Variants in LAMB3 observed in about 807,000 individuals in gnomAD.
The protein encoded by LAMB3 is laminin subunit beta 3, also known as laminin subunit beta-3.
A neutral mutation model predicts 140.3 loss-of-function variants in LAMB3; 104 were observed. That is an observed-to-expected ratio of 0.74 (90% confidence interval 0.63 to 0.87). The LOEUF (loss-of-function observed/expected upper bound fraction) is 0.87, where lower values mean the gene tolerates loss of function less well. Among genes scored for constraint, LAMB3 ranks in the 40% least tolerant of loss-of-function variants. The pLI, the probability that LAMB3 is intolerant of heterozygous loss-of-function variation, is 0.00. For missense variants in LAMB3, 1,531 were observed against 1,575.2 expected (o/e 0.97, Z 0.47); for synonymous variants, 592 against 602.9 (o/e 0.98, Z 0.26).
Position 209,634,613 on chromosome 1 carries a change from A to C in LAMB3, c.398T>G (p.Ile133Ser). The C allele has an allele frequency of 6.2e-7, 1 of 1,613,954 alleles. No individual in the cohort carries two copies. Among genetic ancestry groups the C allele is most frequent in the South Asian group, 1.1e-5 (1 of 91,058 alleles). Residue 133 changes from isoleucine (I) to serine (S), a missense_variant, in exon 6 of 23, where the codon ATT (isoleucine) becomes AGT (serine). Physicochemically the swap from Ile to Ser is moderately radical, Grantham distance 142 (BLOSUM62 -2). Coordinates refer to ENST00000356082, the MANE Select transcript of LAMB3 (RefSeq NM_000228.3). ...FQGPMPAGML[I>S]ERSSDFGKTW... ...CTTACCGAAGTCTGAGGAGCGCTCA[A>C]TCAGCATGCCGGCGGGCATGGGCCC...
At chr1:209,622,077 G>A (rs1362173941) in intron 18 of LAMB3, among the ~76,000 whole-genome samples, 1 of 152,230 alleles carries the variant, frequency 6.6e-6, no homozygotes, top group Non-Finnish European at 1.5e-5. Flanking sequence ...GAGGACTTCA[G>A]GCAGACAAAG....
intron 3 of LAMB3, among the ~76,000 whole-genome samples, chr1:209,644,223 A>T (rs1571835632): frequency 6.6e-6 from 1 of 152,340 alleles, no homozygotes. Flanking sequence ...GCCGTATGTG[A>T]GATACTTTCA....
intron 18 of LAMB3, among the ~76,000 whole-genome samples, chr1:209,621,728 C>T (rs540548805): frequency 2.6e-5 from 4 of 152,278 alleles, no homozygotes; most frequent in Middle Eastern, 3.4e-3. Context: ...ACGAGTCTCC[C>T]GGGTCCTGTT....
intron 5 of LAMB3, among the ~76,000 whole-genome samples, chr1:209,637,194 C>T (rs1474379748): frequency 1.3e-5 from 2 of 152,206 alleles, no homozygotes; most frequent in Non-Finnish European, 2.9e-5. Context: ...TTAGAGCCAA[C>T]TTCTTCAGTC....
intron 2 of LAMB3, 122 bp from the exon 3 acceptor site, chr1:209,650,240 C>T: frequency 1.0e-6 from 1 of 963,280 alleles, no homozygotes; most frequent in Non-Finnish European, 1.6e-6. Context: ...CTCAAGCTTC[C>T]ACTCGCTGCT....
At position 209,622,659 on chromosome 1, in the gene LAMB3, C is replaced by T; in HGVS notation, c.2578G>A (p.Ala860Thr). ...RQMIRAAEES[A>T]SQIQSSAQRL... The stretch of plus-strand genomic sequence containing the variant: ...TGGGCACTGGATTGAATCTGTGAGG[C>T]AGATTCCTCGGCTGCCCTAATCTGT... Residue 860 changes from alanine (A) to threonine (T), a missense_variant, in exon 18 of 23, where the codon GCC (alanine) becomes ACC (threonine). By Grantham distance (58) the Ala-to-Thr change is moderately conservative (BLOSUM62 0). Transcript: ENST00000356082. 1 of 1,614,152 alleles carries T rather than the reference C, an allele frequency of 6.2e-7. No homozygotes were observed. Among genetic ancestry groups the T allele is most frequent in the Non-Finnish European group, 8.5e-7 (1 of 1,180,030 alleles).
intron 3 of LAMB3, among the ~76,000 whole-genome samples, chr1:209,647,141 G>C (rs2076525310): frequency 6.6e-6 from 1 of 152,264 alleles, no homozygotes; most frequent in Non-Finnish European, 1.5e-5. Flanking sequence ...AGGCAAAGCT[G>C]GCCAAGACCT....
chr1:209,615,418 T>A lies in LAMB3; in HGVS notation c.3383-11A>T. 3 of 1,588,260 alleles carry A rather than the reference T, an allele frequency of 1.9e-6. No individual in the cohort carries two copies. The highest frequency in any genetic ancestry group is 8.6e-7 in the Non-Finnish European group (1 of 1,164,312). Reference sequence around the variant, plus strand: ...GCTCCAACTCCATGTCTGAGGCAAATGGAACAGCAGCAGGAGGAGGAGTTG... The same window carrying A: ...GCTCCAACTCCATGTCTGAGGCAAAAGGAACAGCAGCAGGAGGAGGAGTTG... On this transcript the variant is annotated splice_polypyrimidine_tract_variant and intron_variant, in intron 22 of 22. Coordinates refer to ENST00000356082, the MANE Select transcript of LAMB3 (RefSeq NM_000228.3).
chr1:209,648,467 T>G (rs1194874864), intron 3 of LAMB3, among the ~76,000 whole-genome samples: 1 of 152,214 alleles, frequency 6.6e-6, no homozygotes, highest in Non-Finnish European at 1.5e-5. Flanking sequence ...TTCTCAGCTT[T>G]CACAGCAGAA....
intron 3 of LAMB3, 54 bp from the exon 4 acceptor site, chr1:209,638,702 C>T: frequency 8.5e-7 from 1 of 1,181,638 alleles, no homozygotes; most frequent in Non-Finnish European, 1.3e-6. Flanking sequence ...ATAGAATTCC[C>T]CCTTGCGTCC....
chr1:209,641,098 ATTT>A (rs1558165352), intron 3 of LAMB3, among the ~76,000 whole-genome samples: 1 of 111,648 alleles, frequency 9.0e-6, no homozygotes, highest in African/African-American at 3.2e-5. Context: ...AAAAAAAAAA[ATTT>A]AAAAAAAAAA....
At chr1:209,620,188 T>A (rs1484031839) in intron 18 of LAMB3, among the ~76,000 whole-genome samples, 2 of 152,238 alleles carry the variant, frequency 1.3e-5, no homozygotes, top group Non-Finnish European at 2.9e-5. Flanking sequence ...AAATATTTAC[T>A]GCTTTGAGCA....
At chr1:209,638,317 T>C (rs923442202) in intron 4 of LAMB3, among the ~76,000 whole-genome samples, 1 of 152,130 alleles carries the variant, frequency 6.6e-6, no homozygotes, top group Admixed American at 6.5e-5. Context: ...AAGACATTCC[T>C]CTCTCCTCAC....
chr1:209,615,079 T>C lies in LAMB3; in HGVS notation c.*192A>G, dbSNP rs1665900504. 6.4e-6 allele frequency: 4 copies of C among 621,812 alleles called. No individual in the cohort carries two copies. The highest frequency in any genetic ancestry group is 1.1e-5 in the Non-Finnish European group (4 of 357,178). 38.5% of individuals were successfully genotyped at this position (621,812 alleles called of 1,614,324 possible). On this transcript the variant is annotated 3_prime_UTR_variant, in exon 23 of 23. Coordinates refer to ENST00000356082, the MANE Select transcript of LAMB3 (RefSeq NM_000228.3). Reference sequence around the variant, plus strand: ...ATCTCCACCATCTTTGTCTGTCAAGTGTAACTGTCCCATTGGCTCAGGCTC... The same window carrying C: ...ATCTCCACCATCTTTGTCTGTCAAGCGTAACTGTCCCATTGGCTCAGGCTC...
intron 3 of LAMB3, among the ~76,000 whole-genome samples, chr1:209,649,478 A>G (rs577042250): frequency 3.9e-5 from 6 of 152,344 alleles, no homozygotes; most frequent in African/African-American, 1.4e-4. Flanking sequence ...ATTTGATCCA[A>G]CTTACATCTG....
intron 6 of LAMB3, 88 bp from the exon 7 acceptor site, chr1:209,633,221 C>T (rs536049352): frequency 6.0e-5 from 58 of 963,226 alleles, no homozygotes; most frequent in Non-Finnish European, 9.0e-5. Flanking sequence ...CATTATATGC[C>T]TCACACTTGA....
intron 10 of LAMB3, among the ~76,000 whole-genome samples, chr1:209,628,424 G>A (rs924210424): frequency 9.2e-5 from 14 of 152,160 alleles, no homozygotes; most frequent in South Asian, 4.1e-4. Flanking sequence ...ATGGCTGTGC[G>A]CGGTGGCTCA....
intron 3 of LAMB3, among the ~76,000 whole-genome samples, chr1:209,647,414 G>A (rs900088747): frequency 6.6e-6 from 1 of 152,320 alleles, no homozygotes; most frequent in Non-Finnish European, 1.5e-5. Context: ...GTTGGGGAGT[G>A]GAGTGAGCAA....
At chr1:209,649,859 A>C in intron 3 of LAMB3, 105 bp downstream of exon 3, 1 of 1,283,344 alleles carries the variant, frequency 7.8e-7, no homozygotes, top group Non-Finnish European at 1.1e-6. Flanking sequence ...TGTAGTACAC[A>C]GGGCTTGGCC....
Sources: allele counts gnomAD v4.1 joint callset (sites outside exome capture counted in the v4.1 genomes callset), GRCh38; gene constraint gnomAD v4.1.1; transcripts MANE v1.5; gene names NCBI Gene and HGNC (gene_info 2026-07-23, HGNC 2026-07-21).